The following KIAA0753 variants were observed in gnomAD, a reference collection of about 807,000 sequenced individuals.
The protein encoded by KIAA0753 is protein moonraker.
In KIAA0753, 114 loss-of-function variants were observed where a neutral mutation model predicts 116.9. The observed-to-expected ratio is 0.98, with a 90% CI of 0.84 to 1.14. The LOEUF is 1.14. Ranked by LOEUF, KIAA0753 falls within the 50% of genes most tolerant of loss-of-function variation. KIAA0753 has a pLI of 0.00. For synonymous variants in KIAA0753, 405 were observed against 413.1 expected, an observed-to-expected ratio of 0.98 and a Z score of 0.24; for missense variants, 1,156 against 1,172.4, an observed-to-expected ratio of 0.99 and a Z score of 0.20.
At position 6,635,036 on chromosome 17, in the gene KIAA0753, C is replaced by A; in HGVS notation, c.68G>T (p.Ser23Ile). The change falls in exon 2 of 19, where the codon AGC (serine) becomes ATC (isoleucine). Residue 23 changes from serine to isoleucine, a missense_variant. Ser to Ile is a moderately radical substitution (Grantham distance 142). Transcript: ENST00000361413. ...LAPRTQLDGR[S>I]DPKVLQTQNQ... is the part of the protein sequence containing the mutation. The stretch of plus-strand genomic sequence containing the variant: ...CTGGGTCTGAAGTACTTTGGGGTCG[C>A]TCCTCCCATCAAGTTGGGTCCTAGG... 1 of 1,613,004 alleles carries A rather than the reference C, an allele frequency of 6.2e-7. No individual in the cohort carries two copies.
chr17:6,637,623 A>T, intron 1 of KIAA0753: 1 of 152,646 alleles, frequency 6.6e-6, no homozygotes, highest in South Asian at 2.1e-4. Flanking sequence ...ACACTCCTGT[A>T]GTCTGTCTGC....
intron 12 of KIAA0753, among the ~76,000 whole-genome samples, chr17:6,601,377 G>C (rs1049898311): frequency 4.6e-5 from 7 of 152,102 alleles, no homozygotes; most frequent in African/African-American, 1.7e-4. Context: ...AAGAGGCAGC[G>C]GTCACGTATG....
At chr17:6,640,238 C>T (rs533777949) in intron 1 of KIAA0753, 89 of 153,004 alleles carry the variant, frequency 5.8e-4, no homozygotes, top group African/African-American at 2.1e-3. Context: ...CTGGGCCCCA[C>T]GCAGCGACCC....
At chr17:6,619,317 C>T (rs1051536722) in intron 7 of KIAA0753, among the ~76,000 whole-genome samples, 1 of 151,952 alleles carries the variant, frequency 6.6e-6, no homozygotes, top group Non-Finnish European at 1.5e-5. Flanking sequence ...TCTTAGATGC[C>T]GGTAATATTC....
chr17:6,632,416 C>T (rs1456906287), intron 2 of KIAA0753, among the ~76,000 whole-genome samples: 1 of 152,102 alleles, frequency 6.6e-6, no homozygotes, highest in Non-Finnish European at 1.5e-5. Context: ...GAAGGGGTTT[C>T]CTGGAGCAGT....
At chr17:6,617,119 T>A (rs1390244820) in intron 7 of KIAA0753, among the ~76,000 whole-genome samples, 2 of 152,216 alleles carry the variant, frequency 1.3e-5, no homozygotes, top group African/African-American at 2.4e-5. Flanking sequence ...CTCCAGTCTA[T>A]CAAAATGAGC....
At chr17:6,585,049 C>T (rs906219352) in intron 18 of KIAA0753, among the ~76,000 whole-genome samples, 4 of 152,150 alleles carry the variant, frequency 2.6e-5, no homozygotes, top group Non-Finnish European at 5.9e-5. Context: ...CTGCCTCAGC[C>T]TCTCAAAGTG....
chr17:6,622,684 G>C (rs1025225905), intron 6 of KIAA0753, among the ~76,000 whole-genome samples, 198 bp downstream of exon 6: 1 of 152,192 alleles, frequency 6.6e-6, no homozygotes, highest in Non-Finnish European at 1.5e-5. Context: ...ACCAATTTTC[G>C]AAGCAGTGAA....
intron 18 of KIAA0753, among the ~76,000 whole-genome samples, chr17:6,585,087 C>T (rs750701173): frequency 5.9e-5 from 9 of 152,156 alleles, no homozygotes; most frequent in African/African-American, 1.7e-4. Context: ...CCACCATACC[C>T]GGGCCCTAAA....
chr17:6,604,858 C>T (rs752052124), intron 12 of KIAA0753, among the ~76,000 whole-genome samples: 1 of 151,976 alleles, frequency 6.6e-6, no homozygotes, highest in Non-Finnish European at 1.5e-5. Context: ...TAAAAATAAT[C>T]TTCTATACCC....
In KIAA0753 at chr17:6,634,946, C is replaced by T. The variant is rs998604110; in HGVS notation, c.93+65G>A. ...GGTGATTTCAAAAGTGTTCACTGTC[C>T]TTTTCTTTCAAATTTTATGTTTGAA... On this transcript the variant is annotated intron_variant, in intron 2 of 18. Coordinates refer to ENST00000361413, the MANE Select transcript of KIAA0753 (RefSeq NM_014804.3). 8 of 1,110,748 alleles carry T rather than the reference C, an allele frequency of 7.2e-6. No individual in the cohort carries two copies. In the African/African-American group the frequency reaches 1.2e-4, roughly 17 times the overall value. 68.8% of individuals were successfully genotyped at this position (1,110,748 alleles called of 1,614,324 possible).
intron 9 of KIAA0753, among the ~76,000 whole-genome samples, chr17:6,609,023 T>C (rs1280863000): frequency 1.3e-5 from 2 of 152,364 alleles, no homozygotes; most frequent in East Asian, 1.9e-4. Context: ...AAGCACATTA[T>C]GAAGTCAGAA....
chr17:6,613,143 C>T (rs1181715534), intron 7 of KIAA0753, among the ~76,000 whole-genome samples: 3 of 151,990 alleles, frequency 2.0e-5, no homozygotes, highest in African/African-American at 7.3e-5. Context: ...GTATTATCTC[C>T]ATATATCAAA....
intron 13 of KIAA0753, among the ~76,000 whole-genome samples, chr17:6,599,773 C>A (rs1487171649): frequency 6.6e-6 from 1 of 152,120 alleles, no homozygotes; most frequent in Admixed American, 6.5e-5. Flanking sequence ...AGTTCAGTGG[C>A]CTGTTTAGGG....
At chr17:6,626,574 G>T (rs971360379) in intron 3 of KIAA0753, among the ~76,000 whole-genome samples, 1 of 151,996 alleles carries the variant, frequency 6.6e-6, no homozygotes, top group East Asian at 1.9e-4. Context: ...CCCATGCAGC[G>T]CCTGCAGCTG....
intron 7 of KIAA0753, among the ~76,000 whole-genome samples, chr17:6,615,181 C>A (rs549278233): frequency 3.3e-5 from 5 of 152,190 alleles, no homozygotes; most frequent in African/African-American, 9.6e-5. Context: ...GTGATCCACC[C>A]ACCTCAGCCT....
intron 16 of KIAA0753, among the ~76,000 whole-genome samples, chr17:6,594,059 C>G (rs1226442946): frequency 6.6e-6 from 1 of 152,130 alleles, no homozygotes. Context: ...ACAAACTAAT[C>G]TAATGATCTG....
intron 15 of KIAA0753, 150 bp from the exon 16 acceptor site, chr17:6,595,203 T>G (rs1969381396): frequency 3.2e-6 from 2 of 623,940 alleles, no homozygotes; most frequent in African/African-American, 3.7e-5. Flanking sequence ...AGTAATTAGT[T>G]CATGAGACGA....
At chr17:6,589,320 G>T (rs1968814382) in intron 18 of KIAA0753, among the ~76,000 whole-genome samples, 1 of 152,206 alleles carries the variant, frequency 6.6e-6, no homozygotes, top group South Asian at 2.1e-4. Context: ...CTGCAAGCCA[G>T]GAAGAGGGCC....
Sources: gnomAD v4.1 joint callset for allele counts (sites outside exome capture counted in the v4.1 genomes callset) on GRCh38, gnomAD v4.1.1 for gene constraint, MANE v1.5 for transcripts, NCBI Gene and HGNC (gene_info 2026-07-23, HGNC 2026-07-21) for gene names.